The following BRCA1 variants were observed in gnomAD, a reference collection of about 807,000 sequenced individuals.
BRCA1 encodes the protein breast cancer type 1 susceptibility protein.
BRCA1 carries 140 observed loss-of-function variants against 173.7 expected under a neutral mutation model. That is an observed-to-expected ratio of 0.81 (90% CI 0.70 to 0.93). The LOEUF (loss-of-function observed/expected upper bound fraction) is 0.93. Ranked by LOEUF, BRCA1 falls within the 40% of genes least tolerant of loss-of-function variation. The pLI, the probability that BRCA1 is intolerant of heterozygous loss-of-function variation, is 0.00. For synonymous variants in BRCA1, 662 were observed against 756.0 expected (o/e 0.88, Z 2.04); for missense variants, 1,983 against 2,172.5 (o/e 0.91, Z 1.73).
chr17:43,072,175 G>T (rs1304478070), intron 14 of BRCA1, among the ~76,000 whole-genome samples: 1 of 151,738 alleles, frequency 6.6e-6, no homozygotes, highest in Non-Finnish European at 1.5e-5. Context: ...ATCACCTGAG[G>T]TCAAGAGGTC....
chr17:43,052,712 A>G (rs1041681561), intron 19 of BRCA1, among the ~76,000 whole-genome samples: 8 of 151,474 alleles, frequency 5.3e-5, no homozygotes, highest in African/African-American at 1.9e-4. Context: ...AAAAATCAGG[A>G]AGCTAAAAAT....
At chr17:43,157,986 ACT>A (rs1225913597) in intron 1 of BRCA1, among the ~76,000 whole-genome samples, 34 of 149,700 alleles carry the variant, frequency 2.3e-4, no homozygotes, top group African/African-American at 8.5e-4. Flanking sequence ...CAAGAGCGAA[ACT>A]CTGTCTCAAA....
intron 6 of BRCA1, among the ~76,000 whole-genome samples, chr17:43,100,625 AT>A (rs2054378200): frequency 1.2e-5 from 1 of 84,078 alleles, no homozygotes; most frequent in African/African-American, 6.0e-5. Flanking sequence ...TATAACATAT[AT>A]ATATGTTATA....
chr17:43,135,084 G>A (rs1030458201), intron 1 of BRCA1, among the ~76,000 whole-genome samples: 32 of 152,254 alleles, frequency 2.1e-4, no homozygotes, highest in African/African-American at 7.7e-4. Flanking sequence ...GCTTGCCCAC[G>A]TGTCTTGCTC....
At chr17:43,091,376 A>C (rs2053464496) in intron 10 of BRCA1, 59 bp downstream of exon 10, 2 of 1,600,356 alleles carry the variant, frequency 1.2e-6, no homozygotes, top group African/African-American at 2.7e-5. Flanking sequence ...CAAAAGCATA[A>C]ACATTTAGCT....
chr17:43,131,356 A>G (rs2055963743), intron 1 of BRCA1: 2 of 426,432 alleles, frequency 4.7e-6, no homozygotes, highest in South Asian at 1.8e-5. Flanking sequence ...AATTCGAAGT[A>G]GCGCTTAGCT....
intron 22 of BRCA1, among the ~76,000 whole-genome samples, chr17:43,046,286 A>C (rs941836958): frequency 7.3e-6 from 1 of 137,780 alleles, no homozygotes; most frequent in Admixed American, 7.7e-5. Flanking sequence ...CCTGGAATGC[A>C]ATGGCACGAT....
chr17:43,094,064 C>T lies in BRCA1; in HGVS notation c.1467G>A (p.Glu489=), dbSNP rs794726997. 4.3e-6 allele frequency: 7 copies of T among 1,614,080 alleles called. No individual in the cohort carries two copies. The highest frequency in any genetic ancestry group is 5.1e-6 in the Non-Finnish European group (6 of 1,180,002). The change falls in exon 10 of 23, where the codon GAG becomes GAA. Residue 489 remains glutamate (E), a synonymous_variant. Transcript: ENST00000357654. Reference sequence around the variant, plus strand: ...GGGGACGCTCTTGTATTATCTGTGGCTCAGTAACAAATGCTCCTATAATTA... The same window carrying T: ...GGGGACGCTCTTGTATTATCTGTGGTTCAGTAACAAATGCTCCTATAATTA... The part of the protein sequence containing the change: ...ENLIIGAFVT[E]PQIIQERPLT...
At position 43,109,114 on chromosome 17, in the gene BRCA1, C is replaced by T. The variant is rs528651512; in HGVS notation, c.135-2581G>A. On this transcript the variant is annotated intron_variant, in intron 3 of 22. Transcript: ENST00000357654. ...ACCTCAAGTGATCGCCTGCTTCAGC[C>T]TCCCAAAGTGCTGGGATTACAGGTG... Among the ~76,000 whole-genome samples, 28 of 152,316 alleles carry T rather than the reference C, an allele frequency of 1.8e-4. No homozygotes were observed. In the East Asian group the frequency reaches 5.2e-3, roughly 28 times the overall value.
At chr17:43,063,026 A>C (rs1298316277) in intron 18 of BRCA1, among the ~76,000 whole-genome samples, 2 of 151,982 alleles carry the variant, frequency 1.3e-5, no homozygotes, top group African/African-American at 4.8e-5. Context: ...GAGTAGCTGG[A>C]ATTACAGGCA....
At chr17:43,119,248 G>A (rs1328130723) in intron 2 of BRCA1, 1 of 210,016 alleles carries the variant, frequency 4.8e-6, no homozygotes, top group Non-Finnish European at 9.6e-6. Context: ...GGGCCAGCCT[G>A]GGTGACAGAG....
At chr17:43,067,961 G>A (rs551570928) in intron 15 of BRCA1, among the ~76,000 whole-genome samples, 1 of 149,834 alleles carries the variant, frequency 6.7e-6, no homozygotes, top group African/African-American at 2.5e-5. Context: ...CTCAGAAAGG[G>A]TACATTTAAA....
In BRCA1 at chr17:43,063,862, T is replaced by TATTATACTTACAGAAATAGC; in HGVS notation, c.5144_5152+11dup. The stretch of plus-strand genomic sequence containing the variant: ...GTTAAAGGGAGGAGGGGAGAAATAG[T>TATTATACTTACAGAAATAGC]ATTATACTTACAGAAATAGCTAACT... On this transcript the variant is annotated intron_variant, in intron 17 of 22. Transcript: ENST00000357654. The TATTATACTTACAGAAATAGC allele has an allele frequency of 6.2e-7, 1 of 1,604,628 alleles. No individual in the cohort carries two copies. Among genetic ancestry groups the TATTATACTTACAGAAATAGC allele is most frequent in the African/African-American group, 1.3e-5 (1 of 74,844 alleles).
chr17:43,121,458 G>A (rs1185953521), intron 2 of BRCA1, among the ~76,000 whole-genome samples: 1 of 152,088 alleles, frequency 6.6e-6, no homozygotes, highest in African/African-American at 2.4e-5. Context: ...GCCAAGGCAG[G>A]AGGATCACCT....
chr17:43,085,495 A>G (rs1476082742), intron 11 of BRCA1, among the ~76,000 whole-genome samples: 1 of 152,172 alleles, frequency 6.6e-6, no homozygotes, highest in Non-Finnish European at 1.5e-5. Context: ...GGCCCTTTAT[A>G]CCCTGGTATT....
intron 1 of BRCA1, among the ~76,000 whole-genome samples, chr17:43,156,702 G>T (rs889453926): frequency 6.6e-6 from 1 of 152,108 alleles, no homozygotes; most frequent in African/African-American, 2.4e-5. Flanking sequence ...ATTGGATTCA[G>T]TTATCATACC....
chr17:43,131,365 C>A (rs1238498283), intron 1 of BRCA1: 3 of 391,428 alleles, frequency 7.7e-6, no homozygotes, highest in Non-Finnish European at 1.6e-5. Flanking sequence ...TAGCGCTTAG[C>A]TCATTTGTGT....
upstream of BRCA1, among the ~76,000 whole-genome samples, chr17:43,127,401 A>G (rs780848687): frequency 1.3e-5 from 2 of 152,154 alleles, no homozygotes; most frequent in Non-Finnish European, 2.9e-5. Context: ...GCACTTGGAG[A>G]ACTTCTGTGT....
chr17:43,104,439 C>T (rs989430529), intron 5 of BRCA1, among the ~76,000 whole-genome samples, 178 bp from the exon 6 acceptor site: 2 of 151,978 alleles, frequency 1.3e-5, no homozygotes, highest in African/African-American at 4.8e-5. Flanking sequence ...AATTTTACTC[C>T]TAGGAAACAA....
Sources: allele counts gnomAD v4.1 joint callset (sites outside exome capture counted in the v4.1 genomes callset), GRCh38; gene constraint gnomAD v4.1.1; transcripts MANE v1.5; gene names NCBI Gene and HGNC (gene_info 2026-07-23, HGNC 2026-07-21).